The following TBC1D23 variants were observed in gnomAD, a reference collection of about 807,000 sequenced individuals.
The protein encoded by TBC1D23 is HCV non-structural protein 4A-transactivated protein 1.
In TBC1D23, 55 loss-of-function variants were observed where a neutral mutation model predicts 91.4. That is an observed-to-expected ratio of 0.60 (90% CI 0.48 to 0.75). The LOEUF is 0.75. Ranked by LOEUF, TBC1D23 falls within the 30% of genes least tolerant of loss-of-function variation. The pLI is 0.00. For missense variants in TBC1D23, 725 were observed against 836.1 expected (o/e 0.87, Z 1.64); for synonymous variants, 289 against 281.0 (o/e 1.03, Z -0.28).
At chr3:100,308,725 A>G (rs1212004516) in intron 13 of TBC1D23, among the ~76,000 whole-genome samples, 1 of 152,186 alleles carries the variant, frequency 6.6e-6, no homozygotes, top group Admixed American at 6.5e-5. Context: ...CTAGCATTTT[A>G]AAATGCTATT....
intron 13 of TBC1D23, among the ~76,000 whole-genome samples, chr3:100,308,391 T>C (rs994050412): frequency 4.6e-5 from 7 of 151,598 alleles, no homozygotes; most frequent in Admixed American, 3.9e-4. Context: ...AGGAGAATGG[T>C]GTGAACCCGG....
At chr3:100,283,349 G>T (rs1302535968) in intron 3 of TBC1D23, among the ~76,000 whole-genome samples, 7 of 152,046 alleles carry the variant, frequency 4.6e-5, no homozygotes, top group Non-Finnish European at 7.4e-5. Context: ...ACTCCAGCCT[G>T]GGTGACAAGC....
chr3:100,269,774 G>A (rs2067586168), intron 1 of TBC1D23, among the ~76,000 whole-genome samples: 1 of 152,148 alleles, frequency 6.6e-6, no homozygotes, highest in Non-Finnish European at 1.5e-5. Flanking sequence ...CAAAGCTTTG[G>A]TGCTGATGTC....
chr3:100,313,991 T>C (rs1438586855), intron 15 of TBC1D23, among the ~76,000 whole-genome samples: 1 of 152,032 alleles, frequency 6.6e-6, no homozygotes, highest in Non-Finnish European at 1.5e-5. Context: ...TTAACCTAAC[T>C]TGTAATTTCC....
chr3:100,313,844 C>G (rs1381777786), intron 15 of TBC1D23, among the ~76,000 whole-genome samples: 1 of 152,062 alleles, frequency 6.6e-6, no homozygotes, highest in Non-Finnish European at 1.5e-5. Context: ...TCAAAGGCAT[C>G]CAAATTATAT....
At chr3:100,263,924 G>A (rs1426455489) in intron 1 of TBC1D23, among the ~76,000 whole-genome samples, 4 of 152,132 alleles carry the variant, frequency 2.6e-5, no homozygotes, top group Non-Finnish European at 4.4e-5. Flanking sequence ...ATGTATCTTT[G>A]GTGTGTCTTT....
intron 1 of TBC1D23, among the ~76,000 whole-genome samples, chr3:100,270,157 CT>C (rs575658784): frequency 6.6e-6 from 1 of 151,928 alleles, no homozygotes; most frequent in South Asian, 2.1e-4. Context: ...AGAGCATTGA[CT>C]TTTTTTTTCT....
At chr3:100,270,873 G>A (rs2067594141) in intron 1 of TBC1D23, among the ~76,000 whole-genome samples, 1 of 151,920 alleles carries the variant, frequency 6.6e-6, no homozygotes, top group Admixed American at 6.6e-5. Context: ...TTTTTTTAAT[G>A]TGGTAATTGG....
intron 9 of TBC1D23, among the ~76,000 whole-genome samples, chr3:100,298,842 C>G: frequency 6.6e-6 from 1 of 152,122 alleles, no homozygotes; most frequent in East Asian, 1.9e-4. Context: ...ATGTTTAGTT[C>G]TTACGTGAAT....
At chr3:100,282,579 T>C (rs2067704357) in intron 3 of TBC1D23, among the ~76,000 whole-genome samples, 1 of 152,238 alleles carries the variant, frequency 6.6e-6, no homozygotes, top group South Asian at 2.1e-4. Flanking sequence ...TTTCACAATG[T>C]GGATGAATTT....
intron 7 of TBC1D23, 52 bp from the exon 8 acceptor site, chr3:100,296,116 TAAAC>T (rs1042676521): frequency 1.0e-6 from 1 of 989,270 alleles, no homozygotes; most frequent in African/African-American, 1.6e-5. Flanking sequence ...CTCTGATACA[TAAAC>T]AATATTTGCA....
chr3:100,301,848 A>G (rs927073469), intron 10 of TBC1D23: 6 of 447,904 alleles, frequency 1.3e-5, no homozygotes, highest in East Asian at 4.0e-5. Flanking sequence ...CTTTGCATCA[A>G]TCTTTGTGTG....
At chr3:100,307,288 A>G (rs555429245) in intron 13 of TBC1D23, among the ~76,000 whole-genome samples, 2 of 152,210 alleles carry the variant, frequency 1.3e-5, no homozygotes, top group Non-Finnish European at 2.9e-5. Context: ...ATTCTTTAAA[A>G]CAGAAATAGA....
Position 100,312,980 on chromosome 3 carries a change from C to T in TBC1D23, c.1598+1103C>T, listed in dbSNP as rs561785412. ...CATCCTGGCTAACATAGTGAAACCC[C>T]GTCTCTACAGAGTGAGACTGCGTCT... is the stretch of plus-strand genomic sequence containing the variant. On this transcript the variant is annotated intron_variant, in intron 15 of 18. Transcript: ENST00000394144. Among the ~76,000 whole-genome samples the T allele has an allele frequency of 5.1e-4, 77 of 151,542 alleles. 1 individual carries two copies. Among genetic ancestry groups the T allele is most frequent in the African/African-American group, 1.8e-3 (74 of 41,366 alleles).
chr3:100,303,596 C>A (rs1705469661), intron 11 of TBC1D23, among the ~76,000 whole-genome samples: 1 of 151,988 alleles, frequency 6.6e-6, no homozygotes. Flanking sequence ...CATAATGAGA[C>A]CCTGTCTCTA....
rs2067782786 is a variant in TBC1D23 at position 100,290,707 on chromosome 3, A to G, written c.600+6A>G. The G allele has an allele frequency of 6.3e-7, 1 of 1,580,386 alleles. No homozygotes were observed. ...ACTCCTATGCACTCAACTGGGTAAT[A>G]AAGTGAAAGTAGGAACATTTAATGA... On this transcript the variant is annotated splice_donor_region_variant and intron_variant, in intron 5 of 18. Coordinates refer to ENST00000394144, the MANE Select transcript of TBC1D23 (RefSeq NM_001199198.3).
At chr3:100,278,608 A>T (rs1186489392) in intron 1 of TBC1D23, among the ~76,000 whole-genome samples, 1 of 151,466 alleles carries the variant, frequency 6.6e-6, no homozygotes, top group African/African-American at 2.4e-5. Flanking sequence ...CTGGTCTTGA[A>T]CTCCTGACCT....
chr3:100,281,658 T>C, intron 2 of TBC1D23, 84 bp from the exon 3 acceptor site: 1 of 807,614 alleles, frequency 1.2e-6, no homozygotes, highest in Non-Finnish European at 2.1e-6. Context: ...TATTTTTAAA[T>C]TCAGGCCTTT....
chr3:100,309,820 A>G (rs1705591538), intron 13 of TBC1D23, among the ~76,000 whole-genome samples: 1 of 146,184 alleles, frequency 6.8e-6, no homozygotes, highest in East Asian at 2.3e-4. Context: ...CATGTTGGCC[A>G]GTCTGGTCTT....
Sources: allele counts gnomAD v4.1 joint callset (sites outside exome capture counted in the v4.1 genomes callset), GRCh38; gene constraint gnomAD v4.1.1; transcripts MANE v1.5; gene names NCBI Gene and HGNC (gene_info 2026-07-23, HGNC 2026-07-21).